Variants in CDH18 observed in about 807,000 individuals in gnomAD.
CDH18 encodes cadherin-18.
Under a neutral mutation model 67.9 loss-of-function variants are expected in CDH18, and 31 were observed. The ratio of observed to expected loss-of-function variants is 0.46; its 90% CI spans 0.34 to 0.62. The LOEUF (loss-of-function observed/expected upper bound fraction) is 0.62, where lower values mean the gene tolerates loss of function less well. Ranked by LOEUF, CDH18 falls within the 20% of genes least tolerant of loss-of-function variation. The pLI is 0.01. For missense variants in CDH18, 890 were observed against 975.5 expected (o/e 0.91, Z 1.17); for synonymous variants, 362 against 347.2 (o/e 1.04, Z -0.48).
chr5:20,351,220 C>T lies in CDH18; in HGVS notation c.-579-95715G>A, dbSNP rs1741158660. Among the ~76,000 whole-genome samples, 13 of 140,668 alleles carry T rather than the reference C, an allele frequency of 9.2e-5. No individual in the cohort carries two copies. In the South Asian group the frequency reaches 2.4e-3, roughly 26 times the overall value. The allele number at this position is 140,668 out of a possible 152,430, so 92.3% of individuals were successfully genotyped here. On this transcript the variant is annotated intron_variant, in intron 1 of 14. Transcript: ENST00000507958. ...TGTGTGTTATTGCTTATTTTGTCTC[C>T]TTCTACCAGAATGTCAACTCCATGG...
intron 1 of CDH18, among the ~76,000 whole-genome samples, chr5:20,414,801 T>A (rs1747143795): frequency 6.6e-6 from 1 of 152,096 alleles, no homozygotes; most frequent in South Asian, 2.1e-4. Context: ...ATGGCTATCA[T>A]CAAAACAACA....
chr5:20,424,745 TAAAAAAAAAAAAAA>T (rs67349001), intron 1 of CDH18, among the ~76,000 whole-genome samples: 3 of 42,930 alleles, frequency 7.0e-5, no homozygotes, highest in East Asian at 7.9e-4. Context: ...AGACTCTGTC[TAAAAAAAAAAAAAA>T]AAAAAAAAAA....
rs1233114867 is a variant in CDH18, at chr5:19,612,761, T to C, written c.644-160A>G. Reference sequence around the variant, plus strand: ...CAATATCTTACCAATGCATGAATACTGTCTCTTTGAAAAATTTACTTATCC... The same window carrying C: ...CAATATCTTACCAATGCATGAATACCGTCTCTTTGAAAAATTTACTTATCC... On this transcript the variant is annotated intron_variant, in intron 5 of 12. Coordinates refer to ENST00000382275, the MANE Select transcript of CDH18 (RefSeq NM_004934.5). Among the ~76,000 whole-genome samples the C allele has an allele frequency of 2.0e-5, 3 of 152,200 alleles. No homozygotes were observed. The East Asian group carries it at 5.8e-4, about 29-fold the overall frequency.
chr5:20,386,159 C>T (rs1039773640), intron 1 of CDH18, among the ~76,000 whole-genome samples: 6 of 152,134 alleles, frequency 3.9e-5, no homozygotes, highest in Non-Finnish European at 8.8e-5. Flanking sequence ...GAATGAACAA[C>T]GTAGAGAGCA....
intron 1 of CDH18, among the ~76,000 whole-genome samples, chr5:20,515,249 C>T (rs1755287741): frequency 6.6e-6 from 1 of 151,084 alleles, no homozygotes; most frequent in Non-Finnish European, 1.5e-5. Context: ...TATAAATCTT[C>T]CCAGTGGCAG....
At chr5:20,214,402 A>G (rs1740596666) in intron 2 of CDH18, among the ~76,000 whole-genome samples, 1 of 152,128 alleles carries the variant, frequency 6.6e-6, no homozygotes, top group South Asian at 2.1e-4. Flanking sequence ...CGCAAAGACA[A>G]CAGAGCTGGA....
intron 1 of CDH18, among the ~76,000 whole-genome samples, chr5:20,341,558 T>TA: frequency 1.3e-5 from 2 of 151,356 alleles, no homozygotes; most frequent in East Asian, 3.9e-4. Flanking sequence ...TATATATATA[T>TA]TTATGCAAAC....
chr5:19,641,103 T>A (rs1753920876), intron 5 of CDH18, among the ~76,000 whole-genome samples: 3 of 148,812 alleles, frequency 2.0e-5, no homozygotes, highest in African/African-American at 4.9e-5. Context: ...AATGAAAAAA[T>A]TTCTAGAAAT....
At chr5:19,659,107 T>G (rs1756820359) in intron 5 of CDH18, among the ~76,000 whole-genome samples, 1 of 152,136 alleles carries the variant, frequency 6.6e-6, no homozygotes, top group Non-Finnish European at 1.5e-5. Context: ...AATGATACTT[T>G]TAAACTTCTA....
Position 20,405,726 on chromosome 5 carries a change from C to T in CDH18, c.-579-150221G>A, listed in dbSNP as rs546580818. Among the ~76,000 whole-genome samples the T allele has an allele frequency of 5.8e-4, 89 of 152,170 alleles. 1 individual carries two copies. Among genetic ancestry groups the T allele is most frequent in the Non-Finnish European group, 1.1e-3 (74 of 68,004 alleles). ...TAATATCCAGAATCTACAAAGAACT[C>T]AAACAAATTTACAAGAAAATAAAAC... On this transcript the variant is annotated intron_variant, in intron 1 of 14. Coordinates refer to the CDH18 transcript ENST00000507958.
At chr5:19,893,628 C>T (rs1788997655) in intron 2 of CDH18, among the ~76,000 whole-genome samples, 1 of 136,788 alleles carries the variant, frequency 7.3e-6, no homozygotes, top group Non-Finnish European at 1.6e-5. Context: ...CACATTACAA[C>T]AGATTCAGGG....
chr5:19,778,063 GTATT>G (rs1203398876), intron 3 of CDH18, among the ~76,000 whole-genome samples: 1 of 152,228 alleles, frequency 6.6e-6, no homozygotes, highest in East Asian at 1.9e-4. Flanking sequence ...GAATAGCCCT[GTATT>G]TATTACGAAA....
At chr5:19,479,578 G>A (rs1739051230) in intron 12 of CDH18, among the ~76,000 whole-genome samples, 1 of 152,024 alleles carries the variant, frequency 6.6e-6, no homozygotes, top group African/African-American at 2.4e-5. Flanking sequence ...ACTTAAATAT[G>A]CTTTTAGAGC....
At chr5:19,667,012 GT>G (rs1485735471) in intron 5 of CDH18, among the ~76,000 whole-genome samples, 1 of 151,828 alleles carries the variant, frequency 6.6e-6, no homozygotes, top group African/African-American at 2.4e-5. Flanking sequence ...CGTATTTGGT[GT>G]TTTTTAAGTG....
At chr5:19,898,174 CTA>C (rs1789550829) in intron 2 of CDH18, among the ~76,000 whole-genome samples, 1 of 151,784 alleles carries the variant, frequency 6.6e-6, no homozygotes, top group Admixed American at 6.6e-5. Context: ...ATTATTTTCT[CTA>C]TGTTATTTAT....
chr5:20,484,046 A>C (rs879893326), intron 1 of CDH18, among the ~76,000 whole-genome samples: 9 of 152,114 alleles, frequency 5.9e-5, no homozygotes, highest in Non-Finnish European at 1.3e-4. Context: ...ACAAAGGATT[A>C]ATAACAAGAA....
intron 2 of CDH18, among the ~76,000 whole-genome samples, chr5:20,204,893 C>A (rs942486486): frequency 6.6e-6 from 1 of 150,924 alleles, no homozygotes. Context: ...ATTGTACCAA[C>A]AATGCACAAA....
chr5:20,060,294 G>C (rs771647749), intron 2 of CDH18, among the ~76,000 whole-genome samples: 1 of 151,760 alleles, frequency 6.6e-6, no homozygotes, highest in African/African-American at 2.4e-5. Context: ...ATGAAACCCC[G>C]TCTCTACTAA....
intron 9 of CDH18, among the ~76,000 whole-genome samples, chr5:19,533,000 G>A (rs1244589962): frequency 6.6e-6 from 1 of 152,096 alleles, no homozygotes; most frequent in Admixed American, 6.6e-5. Context: ...ATATTAAAGT[G>A]GCCAATATGG....
Sources: allele counts gnomAD v4.1 joint callset (sites outside exome capture counted in the v4.1 genomes callset), GRCh38; gene constraint gnomAD v4.1.1; transcripts MANE v1.5; gene names NCBI Gene and HGNC (gene_info 2026-07-23, HGNC 2026-07-21).